RIMBP2: variants seen among roughly 807,000 people sequenced by gnomAD.
RIMBP2 encodes the protein RIMS-binding protein 2.
A neutral mutation model predicts 118.6 loss-of-function variants in RIMBP2; 48 were observed. The ratio of observed to expected loss-of-function variants is 0.40; its 90% confidence interval spans 0.32 to 0.51. The LOEUF is 0.51. Among genes scored for constraint, RIMBP2 ranks in the 20% least tolerant of loss-of-function variants. The pLI is 0.41. For synonymous variants in RIMBP2, 762 were observed against 742.9 expected (o/e 1.03, Z -0.42); for missense variants, 1,551 against 1,768.3 (o/e 0.88, Z 2.20).
chr12:130,510,665 T>C (rs2050820355), intron 3 of RIMBP2, among the ~76,000 whole-genome samples: 1 of 152,116 alleles, frequency 6.6e-6, no homozygotes, highest in Admixed American at 6.6e-5. Context: ...GACAAGGTTT[T>C]GTCATGTTGG....
At chr12:130,571,273 C>T (rs932621852) in intron 2 of RIMBP2, among the ~76,000 whole-genome samples, 1 of 152,116 alleles carries the variant, frequency 6.6e-6, no homozygotes, top group East Asian at 1.9e-4. Context: ...AACAGCCATG[C>T]ATGGGTCCCC....
chr12:130,407,339 C>T (rs980732924), intron 20 of RIMBP2, among the ~76,000 whole-genome samples: 3 of 152,202 alleles, frequency 2.0e-5, no homozygotes, highest in Non-Finnish European at 4.4e-5. Flanking sequence ...CTGGTTTCCT[C>T]TCTACTGTTC....
chr12:130,614,241 G>C (rs1040172831), intron 2 of RIMBP2, among the ~76,000 whole-genome samples: 13 of 152,096 alleles, frequency 8.5e-5, no homozygotes, highest in Non-Finnish European at 1.8e-4. Flanking sequence ...AGTTACTTAC[G>C]GCCAAGGACT....
Position 130,621,585 on chromosome 12 carries a change from G to A in RIMBP2, c.-217+6737C>T, listed in dbSNP as rs960336557. On this transcript the variant is annotated intron_variant, in intron 2 of 22. Coordinates refer to ENST00000690449, the MANE Select transcript of RIMBP2 (RefSeq NM_001393629.1). The surrounding 1 kb of genome is among the most constrained non-coding windows in gnomAD (Gnocchi z 6.6). ...CGCGACACACATAATATAATACCACGGGGCATAGCAAGCCCCAAGGCCTCT... is the reference window on the plus strand; with the variant it reads ...CGCGACACACATAATATAATACCACAGGGCATAGCAAGCCCCAAGGCCTCT... 1.8e-4 allele frequency among the ~76,000 whole-genome samples: 27 copies of A among 152,130 alleles called. No homozygotes were observed. The highest frequency in any genetic ancestry group is 4.4e-5 in the Non-Finnish European group (3 of 68,008).
intron 2 of RIMBP2, among the ~76,000 whole-genome samples, chr12:130,616,133 C>T (rs1459359174): frequency 1.3e-5 from 2 of 152,166 alleles, no homozygotes; most frequent in Admixed American, 6.5e-5. Context: ...CAGATCACAA[C>T]GTTCCGCCTG....
intron 9 of RIMBP2, among the ~76,000 whole-genome samples, chr12:130,448,196 G>A (rs2078697330): frequency 6.6e-6 from 1 of 152,142 alleles, no homozygotes; most frequent in Non-Finnish European, 1.5e-5. Context: ...AGGAGAATGT[G>A]CGTGGGCTGT....
rs118147521 is a variant in RIMBP2 at position 130,709,020 on chromosome 12, G to A, written c.-352+7202C>T. ...AAAATGGGTCTACATGAGCAACAGGGCCTGCCGCAGAAGGGCTGTGTCATG... is the reference window on the plus strand; with the variant it reads ...AAAATGGGTCTACATGAGCAACAGGACCTGCCGCAGAAGGGCTGTGTCATG... On this transcript the variant is annotated intron_variant, in intron 1 of 22. Transcript: ENST00000690449. Among the ~76,000 whole-genome samples the A allele has an allele frequency of 7.9e-3, 1,209 of 152,360 alleles. 35 individuals are homozygous for A. The East Asian group carries it at 0.084, about 11-fold the overall frequency.
chr12:130,547,633 A>T (rs972145486), intron 2 of RIMBP2, among the ~76,000 whole-genome samples: 2 of 152,224 alleles, frequency 1.3e-5, no homozygotes, highest in African/African-American at 2.4e-5. Context: ...AAAGGAAATG[A>T]AATGCCTGAG....
chr12:130,398,559 C>G (rs2074241467), intron 22 of RIMBP2: 2 of 152,670 alleles, frequency 1.3e-5, no homozygotes, highest in African/African-American at 4.8e-5. Context: ...GCAGCAACTT[C>G]TGTCACAGGA....
chr12:130,441,549 G>A (rs929904544), intron 11 of RIMBP2, among the ~76,000 whole-genome samples: 4 of 152,038 alleles, frequency 2.6e-5, no homozygotes, highest in African/African-American at 4.8e-5. Context: ...CATGTGACAC[G>A]GAAGATGTAA....
chr12:130,645,716 C>T (rs1012168951), intron 1 of RIMBP2, among the ~76,000 whole-genome samples: 1 of 152,220 alleles, frequency 6.6e-6, no homozygotes, highest in African/African-American at 2.4e-5. Context: ...GACATTAAGT[C>T]TCTGGATCAA....
At chr12:130,616,397 C>T (rs2060937544) in intron 2 of RIMBP2, among the ~76,000 whole-genome samples, 1 of 152,060 alleles carries the variant, frequency 6.6e-6, no homozygotes, top group African/African-American at 2.4e-5. Context: ...TGACTGTTGC[C>T]GTTTTCAGAA....
chr12:130,665,783 T>A (rs1438478896), intron 1 of RIMBP2, among the ~76,000 whole-genome samples: 1 of 152,146 alleles, frequency 6.6e-6, no homozygotes, highest in African/African-American at 2.4e-5. Context: ...TAAAGGACCT[T>A]ATGGGGCAAC....
In RIMBP2 at chr12:130,474,589, C is replaced by A. The variant is rs114338633; in HGVS notation, c.103-3846G>T. Among the ~76,000 whole-genome samples, 365 of 152,338 alleles carry A rather than the reference C, an allele frequency of 2.4e-3. 4 individuals are homozygous for A. Among genetic ancestry groups the A allele is most frequent in the African/African-American group, 8.0e-3 (333 of 41,586 alleles). ...TGGGGCGACATGCCCTCTGTCTGGG[C>A]ATGGAGTGGCGTCTGGTCTGAGGGA... On this transcript the variant is annotated intron_variant, in intron 5 of 22. Transcript: ENST00000690449.
chr12:130,550,049 C>T (rs1000341114), intron 2 of RIMBP2, among the ~76,000 whole-genome samples: 8 of 152,148 alleles, frequency 5.3e-5, no homozygotes, highest in African/African-American at 1.9e-4. Context: ...AATAGCCATT[C>T]TGACAGGTGC....
intron 6 of RIMBP2, among the ~76,000 whole-genome samples, chr12:130,466,843 C>T (rs983011669): frequency 2.6e-5 from 4 of 152,228 alleles, no homozygotes; most frequent in Non-Finnish European, 4.4e-5. Flanking sequence ...ATTGTTTCTT[C>T]TGCCCTATTA....
At chr12:130,684,161 C>T (rs1456756079) in intron 1 of RIMBP2, among the ~76,000 whole-genome samples, 1 of 152,146 alleles carries the variant, frequency 6.6e-6, no homozygotes, top group East Asian at 1.9e-4. Context: ...CTATTGATTC[C>T]AGGTCTTCAG....
intron 2 of RIMBP2, among the ~76,000 whole-genome samples, chr12:130,589,172 T>C (rs1412781191): frequency 6.6e-6 from 1 of 152,208 alleles, no homozygotes; most frequent in Non-Finnish European, 1.5e-5. Context: ...ATAATCCTTT[T>C]CAGGAAGACC....
At chr12:130,436,565 G>A (rs1406976231) in intron 13 of RIMBP2, among the ~76,000 whole-genome samples, 4 of 152,188 alleles carry the variant, frequency 2.6e-5, no homozygotes, top group Non-Finnish European at 4.4e-5. Context: ...GCACACCAAG[G>A]CCATGTCTGG....
Sources: gnomAD v4.1 joint callset for allele counts (sites outside exome capture counted in the v4.1 genomes callset) on GRCh38, gnomAD v4.1.1 for gene constraint, Gnocchi (gnomAD v3.1) non-coding constraint, MANE v1.5 for transcripts, NCBI Gene and HGNC (gene_info 2026-07-23, HGNC 2026-07-21) for gene names.